The following HEATR5A variants were observed in gnomAD, a reference collection of about 807,000 sequenced individuals.
HEATR5A encodes HEAT repeat containing 5A.
Under a neutral mutation model 218.8 loss-of-function variants are expected in HEATR5A, and 178 were observed. The observed-to-expected ratio is 0.81, with a 90% CI of 0.72 to 0.92. HEATR5A has a LOEUF of 0.92. Ranked by LOEUF, HEATR5A falls within the 40% of genes least tolerant of loss-of-function variation. The pLI is 0.00. For synonymous variants in HEATR5A, 864 were observed against 871.6 expected, an observed-to-expected ratio of 0.99 and a Z score of 0.15; for missense variants, 2,420 against 2,418.9, an observed-to-expected ratio of 1.00 and a Z score of -0.01.
chr14:31,330,320 T>C (rs373716514), intron 22 of HEATR5A, among the ~76,000 whole-genome samples: 35 of 152,194 alleles, frequency 2.3e-4, no homozygotes, highest in African/African-American at 8.4e-4. Flanking sequence ...TGGTCCCTTT[T>C]AGCCATGGCT....
intron 22 of HEATR5A, among the ~76,000 whole-genome samples, chr14:31,336,213 C>CATATATATAT (rs371848651): frequency 4.7e-4 from 43 of 90,704 alleles, no homozygotes; most frequent in East Asian, 7.4e-4. Flanking sequence ...TATATACATA[C>CATATATATAT]ATACATATAT....
At chr14:31,361,995 C>T (rs1901633440) in intron 14 of HEATR5A, among the ~76,000 whole-genome samples, 1 of 151,742 alleles carries the variant, frequency 6.6e-6, no homozygotes, top group Admixed American at 6.6e-5. Context: ...GATGGAATCT[C>T]ACTCTGCCAC....
intron 16 of HEATR5A, among the ~76,000 whole-genome samples, chr14:31,358,300 T>C (rs1474059538): frequency 6.6e-6 from 1 of 152,118 alleles, no homozygotes; most frequent in African/African-American, 2.4e-5. Flanking sequence ...ATTTCCAAGG[T>C]AAGAAAGCCT....
In HEATR5A at chr14:31,380,557, C is replaced by T; in HGVS notation, c.1618G>A (p.Asp540Asn). Residue 540 changes from aspartate to asparagine, a missense_variant, in exon 11 of 36, where the codon GAT (aspartate) becomes AAT (asparagine). By Grantham distance (23) the Asp-to-Asn change is conservative. Transcript: ENST00000543095. ...KGKIIMTLAE[D>N]LLCSAAQNSR... ...TTTTGAGCAGCAGAACACAGCAAATCCTCTGCTAATGTCATAATAATCTAT... is the reference window on the plus strand; with the variant it reads ...TTTTGAGCAGCAGAACACAGCAAATTCTCTGCTAATGTCATAATAATCTAT... 1 of 1,599,980 alleles carries T rather than the reference C, an allele frequency of 6.3e-7. No homozygotes were observed.
At chr14:31,318,630 A>G (rs1024340574) in intron 25 of HEATR5A, among the ~76,000 whole-genome samples, 1 of 152,106 alleles carries the variant, frequency 6.6e-6, no homozygotes, top group Admixed American at 6.5e-5. Flanking sequence ...AGCTGGGATT[A>G]CAGGTGCCTG....
intron 21 of HEATR5A, 98 bp downstream of exon 21, chr14:31,343,798 C>CT: frequency 9.8e-7 from 1 of 1,016,338 alleles, no homozygotes; most frequent in Non-Finnish European, 1.4e-6. Flanking sequence ...TAACACATAA[C>CT]TTTGTACATA....
chr14:31,313,122 T>C lies in HEATR5A; in HGVS notation c.4287A>G (p.Glu1429=). 6.2e-7 allele frequency: 1 copy of C among 1,613,948 alleles called. No individual in the cohort carries two copies. The highest frequency in any genetic ancestry group is 8.5e-7 in the Non-Finnish European group (1 of 1,179,826). Residue 1429 remains glutamate, a synonymous_variant, in exon 28 of 36, where the codon GAA becomes GAG. Transcript: ENST00000543095. ...RQPLKTTTCL[E]DGIRNGSCSS... is the part of the protein sequence containing the mutation. ...AACATGATCCATTTCTGATACCGTC[T>C]TCTAAACAGGTGGTAGTCTTCAAAG...
intron 1 of HEATR5A, among the ~76,000 whole-genome samples, chr14:31,415,334 G>T (rs2031409974): frequency 6.6e-6 from 1 of 152,138 alleles, no homozygotes; most frequent in South Asian, 2.1e-4. Context: ...TCTGCCTTCT[G>T]ACTGCCACTT....
At chr14:31,369,603 T>TCC (rs1901943032) in intron 13 of HEATR5A, among the ~76,000 whole-genome samples, 1 of 70,176 alleles carries the variant, frequency 1.4e-5, no homozygotes, top group East Asian at 3.8e-4. Context: ...AGAGCAAAAC[T>TCC]GTCTCAAAAA....
At chr14:31,317,576 G>A (rs952614920) in intron 26 of HEATR5A, among the ~76,000 whole-genome samples, 1 of 152,202 alleles carries the variant, frequency 6.6e-6, no homozygotes, top group Admixed American at 6.5e-5. Context: ...GATTACAGGC[G>A]TGAGCCACTG....
chr14:31,368,411 G>A (rs1404195317), intron 13 of HEATR5A, among the ~76,000 whole-genome samples: 1 of 152,136 alleles, frequency 6.6e-6, no homozygotes, highest in Non-Finnish European at 1.5e-5. Context: ...AGCACAAATG[G>A]ACTAAGACAG....
intron 8 of HEATR5A, 97 bp downstream of exon 8, chr14:31,387,023 T>A: frequency 8.5e-7 from 1 of 1,172,586 alleles, no homozygotes; most frequent in Non-Finnish European, 1.2e-6. Context: ...GCCTTCAAGG[T>A]TTCTGTATTA....
chr14:31,389,547 C>A (rs911249457), intron 6 of HEATR5A, among the ~76,000 whole-genome samples: 4 of 152,160 alleles, frequency 2.6e-5, no homozygotes, highest in African/African-American at 9.7e-5. Context: ...ACTCAGTTGG[C>A]TCTTAGGCTA....
chr14:31,328,854 T>C (rs1900362380), intron 22 of HEATR5A, among the ~76,000 whole-genome samples: 1 of 148,794 alleles, frequency 6.7e-6, no homozygotes, highest in Non-Finnish European at 1.5e-5. Context: ...CACTCCAGCC[T>C]GGGAGACGGA....
Position 31,337,587 on chromosome 14 carries a change from G to A in HEATR5A, c.3256C>T (p.Leu1086=), listed in dbSNP as rs1407922168. Residue 1086 remains leucine, a synonymous_variant, in exon 22 of 36, where the codon CTG becomes TTG. Coordinates refer to ENST00000543095, the MANE Select transcript of HEATR5A (RefSeq NM_015473.4). ...CVNLCSPYLL[L]RRAVLACLRQ... ...AAGCAAGCCAGTACTGCTCTTCTCA[G>A]TAACAAGTAGGGGCTACAAAGATTC... 1.9e-6 allele frequency: 3 copies of A among 1,601,054 alleles called. No homozygotes were observed. The highest frequency in any genetic ancestry group is 2.3e-5 in the South Asian group (2 of 88,258).
chr14:31,326,779 A>C (rs767978054), intron 22 of HEATR5A, among the ~76,000 whole-genome samples: 13 of 151,892 alleles, frequency 8.6e-5, no homozygotes, highest in Non-Finnish European at 1.5e-4. Flanking sequence ...AGTAGCTAGA[A>C]TTACAGGCAC....
Position 31,361,590 on chromosome 14 carries a change from T to C in HEATR5A, c.2072-2533A>G, listed in dbSNP as rs570818739. ...AAGTGATTACTTTCCCAACTGTCCC[T>C]GGAAAAAGTACCTAAAAATAATTAA... On this transcript the variant is annotated intron_variant, in intron 14 of 35. Coordinates refer to ENST00000543095, the MANE Select transcript of HEATR5A (RefSeq NM_015473.4). 5.9e-5 allele frequency among the ~76,000 whole-genome samples: 9 copies of C among 152,332 alleles called. No homozygotes were observed. In the South Asian group the frequency reaches 1.9e-3, roughly 32 times the overall value.
chr14:31,322,339 G>T (rs1459291041), intron 24 of HEATR5A, among the ~76,000 whole-genome samples: 1 of 152,188 alleles, frequency 6.6e-6, no homozygotes, highest in Non-Finnish European at 1.5e-5. Context: ...AATCAGTTAA[G>T]TATCTACAGT....
chr14:31,326,362 TTATC>T lies in HEATR5A; in HGVS notation c.3368-24_3368-21del, dbSNP rs770466982. 65 of 1,585,942 alleles carry T rather than the reference TTATC, an allele frequency of 4.1e-5. No homozygotes were observed. In the East Asian group the frequency reaches 6.3e-4, roughly 15 times the overall value. ...TAGCATCTGACAAGAAGAAAATCAA[TTATC>T]TAAGTAATACAGAAAACAAAACTAC... On this transcript the variant is annotated intron_variant, in intron 22 of 35. Coordinates refer to ENST00000543095, the MANE Select transcript of HEATR5A (RefSeq NM_015473.4).
Sources: allele counts gnomAD v4.1 joint callset (sites outside exome capture counted in the v4.1 genomes callset), GRCh38; gene constraint gnomAD v4.1.1; transcripts MANE v1.5; gene names NCBI Gene and HGNC (gene_info 2026-07-23, HGNC 2026-07-21).